Variants in RAPGEF6 observed in about 807,000 individuals in gnomAD.
The protein encoded by RAPGEF6 is PDZ domain containing guanine nucleotide exchange factor (GEF) 2.
A neutral mutation model predicts 171.4 loss-of-function variants in RAPGEF6; 56 were observed. The observed-to-expected ratio is 0.33, with a 90% confidence interval of 0.26 to 0.41. RAPGEF6 has a LOEUF of 0.41. Among genes scored for constraint, RAPGEF6 ranks in the 10% least tolerant of loss-of-function variants. The pLI, the probability that RAPGEF6 is intolerant of heterozygous loss-of-function variation, is 1.00. For missense variants in RAPGEF6, 1,674 were observed against 1,921.4 expected, an observed-to-expected ratio of 0.87 and a Z score of 2.41; for synonymous variants, 692 against 650.1, an observed-to-expected ratio of 1.06 and a Z score of -0.98.
At chr5:131,569,380 G>T (rs1762136684) in intron 4 of RAPGEF6, among the ~76,000 whole-genome samples, 2 of 152,102 alleles carry the variant, frequency 1.3e-5, no homozygotes, top group Admixed American at 1.3e-4. Context: ...AGTTAAAGGA[G>T]ACAGAACAAA....
At chr5:131,546,155 T>C (rs1404721270) in intron 6 of RAPGEF6, among the ~76,000 whole-genome samples, 2 of 152,168 alleles carry the variant, frequency 1.3e-5, no homozygotes, top group African/African-American at 4.8e-5. Flanking sequence ...AAGTTGAGAC[T>C]AGAATGAGCA....
intron 1 of RAPGEF6, among the ~76,000 whole-genome samples, chr5:131,629,003 C>G (rs1766120941): frequency 6.6e-6 from 1 of 152,118 alleles, no homozygotes; most frequent in Non-Finnish European, 1.5e-5. Flanking sequence ...TTTTTTCAGG[C>G]CTGCTAATAC....
chr5:131,497,609 A>G (rs1211511129), intron 12 of RAPGEF6, among the ~76,000 whole-genome samples: 1 of 152,172 alleles, frequency 6.6e-6, no homozygotes, highest in African/African-American at 2.4e-5. Context: ...TTCATTTCCA[A>G]AGCATGCCTT....
At chr5:131,439,502 C>T in intron 24 of RAPGEF6, 79 bp downstream of exon 24, 9 of 1,479,430 alleles carry the variant, frequency 6.1e-6, no homozygotes, top group Non-Finnish European at 8.1e-6. Flanking sequence ...ATAATTATTG[C>T]TATAGATTGA....
At chr5:131,502,596 G>A (rs1757097567) in intron 11 of RAPGEF6, among the ~76,000 whole-genome samples, 1 of 152,204 alleles carries the variant, frequency 6.6e-6, no homozygotes. Flanking sequence ...TCCAGGTGGA[G>A]GGTAATACTA....
intron 25 of RAPGEF6, among the ~76,000 whole-genome samples, chr5:131,431,883 G>T (rs1202402153): frequency 6.6e-6 from 1 of 152,114 alleles, no homozygotes; most frequent in Non-Finnish European, 1.5e-5. Flanking sequence ...CACAATATTA[G>T]ACTACTGCGT....
At chr5:131,567,702 A>G (rs1022132176) in intron 4 of RAPGEF6, among the ~76,000 whole-genome samples, 5 of 152,178 alleles carry the variant, frequency 3.3e-5, no homozygotes, top group African/African-American at 1.2e-4. Flanking sequence ...CTTGAAAAAA[A>G]AGATTATATA....
intron 5 of RAPGEF6, among the ~76,000 whole-genome samples, chr5:131,558,218 G>GTT (rs200045599): frequency 1.5e-4 from 20 of 131,532 alleles, no homozygotes; most frequent in Non-Finnish European, 2.5e-4. Flanking sequence ...TGCCAGTTTG[G>GTT]TTTTTTTTTT....
At chr5:131,557,565 A>G (rs1298922567) in intron 5 of RAPGEF6, among the ~76,000 whole-genome samples, 5 of 152,150 alleles carry the variant, frequency 3.3e-5, no homozygotes, top group African/African-American at 1.2e-4. Flanking sequence ...GCCTAAATGC[A>G]TCTCCTAGCC....
intron 4 of RAPGEF6, among the ~76,000 whole-genome samples, chr5:131,563,385 G>A (rs1761727979): frequency 6.6e-6 from 1 of 152,102 alleles, no homozygotes; most frequent in Non-Finnish European, 1.5e-5. Flanking sequence ...TTATGGGAAG[G>A]TTAAATATTT....
chr5:131,604,883 C>G (rs1764462421), intron 1 of RAPGEF6, among the ~76,000 whole-genome samples, 190 bp from the exon 2 acceptor site: 1 of 152,142 alleles, frequency 6.6e-6, no homozygotes, highest in Non-Finnish European at 1.5e-5. Flanking sequence ...CTCAAAGGAA[C>G]TCCTCTTCAA....
intron 21 of RAPGEF6, among the ~76,000 whole-genome samples, chr5:131,448,308 T>C (rs1561472173): frequency 1.2e-4 from 19 of 152,210 alleles, no homozygotes. Flanking sequence ...ACTTTGCTTA[T>C]ATTTTCCTTT....
intron 17 of RAPGEF6, 81 bp downstream of exon 17, chr5:131,472,506 A>G: frequency 6.8e-7 from 1 of 1,469,722 alleles, no homozygotes; most frequent in Non-Finnish European, 9.5e-7. Context: ...AAGTAACTCT[A>G]GCACTTGCTG....
At chr5:131,585,521 C>CA (rs111943047) in intron 4 of RAPGEF6, among the ~76,000 whole-genome samples, 3,993 of 149,252 alleles carry the variant, frequency 0.027, 75 homozygotes, top group Admixed American at 0.072. Flanking sequence ...ATCAGAAACT[C>CA]AAAAAAAAAC....
intron 4 of RAPGEF6, among the ~76,000 whole-genome samples, chr5:131,585,659 C>A (rs1412969717): frequency 1.3e-5 from 2 of 152,080 alleles, no homozygotes; most frequent in Non-Finnish European, 2.9e-5. Flanking sequence ...AACCCCGTCT[C>A]TACTAAAAAT....
At chr5:131,528,556 CTAA>C (rs1671941074) in intron 6 of RAPGEF6, among the ~76,000 whole-genome samples, 1 of 151,504 alleles carries the variant, frequency 6.6e-6, no homozygotes, top group African/African-American at 2.4e-5. Context: ...AATGATGTAA[CTAA>C]TAAGTATTAA....
intron 11 of RAPGEF6, among the ~76,000 whole-genome samples, 195 bp from the exon 12 acceptor site, chr5:131,498,802 G>GACAGAAAAGGCAGAGAA (rs1450117516): frequency 6.6e-6 from 1 of 152,214 alleles, no homozygotes; most frequent in Admixed American, 6.5e-5. Context: ...GAGGTTGAGA[G>GACAGAAAAGGCAGAGAA]ACAGAAAAGG....
At chr5:131,536,786 T>C (rs1360788902) in intron 6 of RAPGEF6, among the ~76,000 whole-genome samples, 4 of 152,228 alleles carry the variant, frequency 2.6e-5, no homozygotes, top group African/African-American at 7.2e-5. Flanking sequence ...ATTTTGTATA[T>C]AGTTACTCAA....
At chr5:131,554,723 G>A (rs1488600871) in intron 5 of RAPGEF6, among the ~76,000 whole-genome samples, 1 of 152,092 alleles carries the variant, frequency 6.6e-6, no homozygotes, top group Non-Finnish European at 1.5e-5. Flanking sequence ...CACCATGTTG[G>A]CCAGGCTGGT....
Sources: gnomAD v4.1 joint callset for allele counts (sites outside exome capture counted in the v4.1 genomes callset) on GRCh38, gnomAD v4.1.1 for gene constraint, MANE v1.5 for transcripts, NCBI Gene and HGNC (gene_info 2026-07-23, HGNC 2026-07-21) for gene names.